NUDCD2: variants seen among roughly 807,000 people sequenced by gnomAD.
NUDCD2 encodes the protein NudC domain containing 2.
In NUDCD2, 16 loss-of-function variants were observed where a neutral mutation model predicts 20.8. The observed-to-expected ratio is 0.77, with a 90% confidence interval of 0.52 to 1.17. The LOEUF is 1.17. Among genes scored for constraint, NUDCD2 ranks in the 50% most tolerant of loss-of-function variants. The pLI, the probability that NUDCD2 is intolerant of heterozygous loss-of-function variation, is 0.00. For synonymous variants in NUDCD2, 87 were observed against 72.8 expected (o/e 1.20, Z -1.00); for missense variants, 199 against 193.9 (o/e 1.03, Z -0.16).
In NUDCD2 at chr5:163,446,526, T is replaced by C. The variant is rs1758040678; in HGVS notation, c.*7441A>G. ...AAAGATTAATTGGACTCAAGTGAAA[T>C]TGCTTGTATAATTTTTAATCAAAAC... is the stretch of plus-strand genomic sequence containing the variant. On this transcript the variant is annotated 3_prime_UTR_variant, in exon 4 of 4. Transcript: ENST00000302764. 6.6e-6 allele frequency: 1 copy of C among 152,364 alleles called. No individual in the cohort carries two copies. Among genetic ancestry groups the C allele is most frequent in the East Asian group, 1.9e-4 (1 of 5,188 alleles). 9.4% of individuals were successfully genotyped at this position (152,364 alleles called of 1,614,324 possible).
chr5:163,454,106 T>G (rs761936608), intron 3 of NUDCD2, 56 bp from the exon 4 acceptor site: 4 of 868,158 alleles, frequency 4.6e-6, no homozygotes, highest in Non-Finnish European at 6.8e-6. Flanking sequence ...AAAATACAAG[T>G]ACAAACTGGC....
rs1758042156 is a variant in NUDCD2, at chr5:163,446,586, C to T, written c.*7381G>A. Reference sequence around the variant, plus strand: ...GCCACATTAACTTCTGTGCTGTCATCATGATCATAGAATAATAACAACACT... The same window carrying T: ...GCCACATTAACTTCTGTGCTGTCATTATGATCATAGAATAATAACAACACT... On this transcript the variant is annotated 3_prime_UTR_variant, in exon 4 of 4. Transcript: ENST00000302764. 6.6e-6 allele frequency: 1 copy of T among 152,206 alleles called. No homozygotes were observed. 9.4% of individuals were successfully genotyped at this position (152,206 alleles called of 1,614,324 possible). A position where few individuals can be genotyped will look rare whatever the true frequency, so the allele number is the denominator to read the frequency against.
At chr5:163,454,252 T>G (rs1011270571) in intron 3 of NUDCD2, among the ~76,000 whole-genome samples, 1 of 152,222 alleles carries the variant, frequency 6.6e-6, no homozygotes, top group African/African-American at 2.4e-5. Flanking sequence ...AGACATCATA[T>G]GTACACTACA....
rs528840561 is a variant in NUDCD2 at position 163,450,335 on chromosome 5, C to A, written c.*3632G>T. The A allele has an allele frequency of 6.6e-6, 1 of 152,218 alleles. No individual in the cohort carries two copies. Among genetic ancestry groups the A allele is most frequent in the South Asian group, 2.1e-4 (1 of 4,814 alleles). The allele number at this position is 152,218 out of a possible 1,614,324, so 9.4% of individuals were successfully genotyped here. ...GACATGACACCAAAAACATGATCCA[C>A]CAATGGCATGATGGATAAGACTTCA... On this transcript the variant is annotated 3_prime_UTR_variant, in exon 4 of 4. Coordinates refer to ENST00000302764, the MANE Select transcript of NUDCD2 (RefSeq NM_145266.6).
intron 1 of NUDCD2, among the ~76,000 whole-genome samples, chr5:163,457,949 G>C (rs925858072): frequency 1.3e-5 from 2 of 150,132 alleles, no homozygotes; most frequent in Non-Finnish European, 3.0e-5. Context: ...CCACAAGAAG[G>C]GATCTCCTGC....
In NUDCD2 at chr5:163,452,907, T is replaced by C. The variant is rs544427914; in HGVS notation, c.*1060A>G. Reference sequence around the variant, plus strand: ...AAACTAAAGACAGCTGACATCTAAATGAAAGGCATGATTCTGACTGGATCC... The same window carrying C: ...AAACTAAAGACAGCTGACATCTAAACGAAAGGCATGATTCTGACTGGATCC... On this transcript the variant is annotated 3_prime_UTR_variant, in exon 4 of 4. Transcript: ENST00000302764. 1 of 152,308 alleles carries C rather than the reference T, an allele frequency of 6.6e-6. No homozygotes were observed. Among genetic ancestry groups the C allele is most frequent in the South Asian group, 2.1e-4 (1 of 4,830 alleles). 9.4% of individuals were successfully genotyped at this position (152,308 alleles called of 1,614,324 possible).
At position 163,453,065 on chromosome 5, in the gene NUDCD2, T is replaced by G. The variant is rs890715534; in HGVS notation, c.*902A>C. 1 of 152,188 alleles carries G rather than the reference T, an allele frequency of 6.6e-6. No homozygotes were observed. Among genetic ancestry groups the G allele is most frequent in the Non-Finnish European group, 1.5e-5 (1 of 68,032 alleles). The allele number at this position is 152,188 out of a possible 1,614,324, so 9.4% of individuals were successfully genotyped here. On this transcript the variant is annotated 3_prime_UTR_variant, in exon 4 of 4. Coordinates refer to ENST00000302764, the MANE Select transcript of NUDCD2 (RefSeq NM_145266.6). ...TTGCATTGTAGTCATGTAAGATAATTTGAAGCAGATAGTAATCAGTAATGA... is the reference window on the plus strand; with the variant it reads ...TTGCATTGTAGTCATGTAAGATAATGTGAAGCAGATAGTAATCAGTAATGA...
intron 3 of NUDCD2, among the ~76,000 whole-genome samples, chr5:163,455,688 C>T (rs1240906252): frequency 2.0e-5 from 3 of 147,814 alleles, no homozygotes; most frequent in Non-Finnish European, 3.0e-5. Context: ...GGCGGGAATC[C>T]GGGAGGCGGA....
Position 163,459,917 on chromosome 5 carries a change from C to A in NUDCD2, c.134G>T (p.Cys45Phe), listed in dbSNP as rs377106622. 1 of 1,613,018 alleles carries A rather than the reference C, an allele frequency of 6.2e-7. No homozygotes were observed. Among genetic ancestry groups the A allele is most frequent in the Non-Finnish European group, 8.5e-7 (1 of 1,179,636 alleles). Residue 45 changes from cysteine (C) to phenylalanine (F), a missense_variant, in exon 1 of 4, where the codon TGC becomes TTC. Transcript: ENST00000302764. The part of the protein sequence containing the change: ...PPGTRAQDIQ[C>F]GLQSRHVALS... ...CGCCACATGCCGGCTCTGGAGGCCG[C>A]ACTGGATATCCTGGGCGCGCGTGCC...
chr5:163,459,558 G>T, intron 1 of NUDCD2: 1 of 189,774 alleles, frequency 5.3e-6, no homozygotes, highest in Non-Finnish European at 1.1e-5. Context: ...TTCAGTGCAC[G>T]GAAGAAATAT....
At position 163,449,728 on chromosome 5, in the gene NUDCD2, A is replaced by T. The variant is rs1384548642; in HGVS notation, c.*4239T>A. ...TATTTATGAAAGGATAAACACATAG[A>T]TCGATGGAATAAAGTCCAAAACCAG... is the stretch of plus-strand genomic sequence containing the variant. On this transcript the variant is annotated 3_prime_UTR_variant, in exon 4 of 4. Transcript: ENST00000302764. 1 of 152,232 alleles carries T rather than the reference A, an allele frequency of 6.6e-6. No homozygotes were observed. The allele number at this position is 152,232 out of a possible 1,614,324, so 9.4% of individuals were successfully genotyped here.
intron 3 of NUDCD2, among the ~76,000 whole-genome samples, chr5:163,455,546 G>C (rs892029461): frequency 1.3e-5 from 2 of 152,122 alleles, no homozygotes; most frequent in Non-Finnish European, 2.9e-5. Context: ...GGCGGATCAC[G>C]AGGTCAAGAG....
intron 3 of NUDCD2, among the ~76,000 whole-genome samples, chr5:163,456,490 CAAG>C (rs1433848867): frequency 1.3e-5 from 2 of 151,784 alleles, no homozygotes; most frequent in Non-Finnish European, 2.9e-5. Flanking sequence ...AAAAAAGCAA[CAAG>C]AAGAACAATA....
intron 3 of NUDCD2, among the ~76,000 whole-genome samples, chr5:163,454,639 C>G (rs938316024): frequency 6.6e-6 from 1 of 152,190 alleles, no homozygotes; most frequent in African/African-American, 2.4e-5. Flanking sequence ...TGGCGCCCAG[C>G]CTATAGCTAG....
chr5:163,454,523 T>C (rs1758253602), intron 3 of NUDCD2, among the ~76,000 whole-genome samples: 1 of 152,130 alleles, frequency 6.6e-6, no homozygotes, highest in Non-Finnish European at 1.5e-5. Context: ...GTATTTTTAG[T>C]AGACACGGGG....
chr5:163,458,180 C>T (rs1435535930), intron 1 of NUDCD2, among the ~76,000 whole-genome samples: 1 of 151,602 alleles, frequency 6.6e-6, no homozygotes, highest in Non-Finnish European at 1.5e-5. Context: ...ATGGGGTTTC[C>T]CCGTGTTAGC....
chr5:163,449,869 A>T lies in NUDCD2; in HGVS notation c.*4098T>A, dbSNP rs1758134483. The T allele has an allele frequency of 6.6e-6, 1 of 152,234 alleles. No homozygotes were observed. The highest frequency in any genetic ancestry group is 2.1e-4 in the South Asian group (1 of 4,830). The allele number at this position is 152,234 out of a possible 1,614,324, so 9.4% of individuals were successfully genotyped here. On this transcript the variant is annotated 3_prime_UTR_variant, in exon 4 of 4. Coordinates refer to ENST00000302764, the MANE Select transcript of NUDCD2 (RefSeq NM_145266.6). ...CTGAACATCCATATGCAAAAAAATA[A>T]ACCTACCTAAATTTCACAGCTTATA...
chr5:163,452,349 A>G lies in NUDCD2; in HGVS notation c.*1618T>C, dbSNP rs1254304655. 6.6e-6 allele frequency: 1 copy of G among 152,196 alleles called. No homozygotes were observed. The highest frequency in any genetic ancestry group is 2.4e-5 in the African/African-American group (1 of 41,440). 9.4% of individuals were successfully genotyped at this position (152,196 alleles called of 1,614,324 possible). On this transcript the variant is annotated 3_prime_UTR_variant, in exon 4 of 4. Coordinates refer to ENST00000302764, the MANE Select transcript of NUDCD2 (RefSeq NM_145266.6). ...GGCTGATTCTTGGGTTAGGTCGAGG[A>G]CAGCATGAGAAGCCTGGTATATCTT...
chr5:163,448,616 A>G lies in NUDCD2; in HGVS notation c.*5351T>C, dbSNP rs978868785. The G allele has an allele frequency of 1.3e-5, 2 of 152,240 alleles. No individual in the cohort carries two copies. Among genetic ancestry groups the G allele is most frequent in the African/African-American group, 4.8e-5 (2 of 41,476 alleles). The allele number at this position is 152,240 out of a possible 1,614,324, so 9.4% of individuals were successfully genotyped here. A position where few individuals can be genotyped will look rare whatever the true frequency, so the allele number is the denominator to read the frequency against. On this transcript the variant is annotated 3_prime_UTR_variant, in exon 4 of 4. Coordinates refer to ENST00000302764, the MANE Select transcript of NUDCD2 (RefSeq NM_145266.6). ...AGAAAGAATAATCACTTTGCAATTC[A>G]TTTTACAAGACCAGAATTAACATGA...
Sources: gnomAD v4.1 joint callset for allele counts (sites outside exome capture counted in the v4.1 genomes callset) on GRCh38, gnomAD v4.1.1 for gene constraint, MANE v1.5 for transcripts, NCBI Gene and HGNC (gene_info 2026-07-23, HGNC 2026-07-21) for gene names.